GRID1: variants seen among roughly 807,000 people sequenced by gnomAD.
GRID1 encodes glutamate ionotropic receptor delta type subunit 1.
GRID1 carries 28 observed loss-of-function variants against 98.0 expected under a neutral mutation model. That is an observed-to-expected ratio of 0.29 (90% CI 0.21 to 0.39). The LOEUF (loss-of-function observed/expected upper bound fraction) is 0.39, where lower values mean the gene tolerates loss of function less well. Ranked by LOEUF, GRID1 falls within the 10% of genes least tolerant of loss-of-function variation. GRID1 has a pLI of 1.00. For synonymous variants in GRID1, 553 were observed against 538.5 expected, an observed-to-expected ratio of 1.03 and a Z score of -0.37; for missense variants, 1,111 against 1,340.5, an observed-to-expected ratio of 0.83 and a Z score of 2.67.
chr10:85,743,442 C>T (rs1841967119), intron 8 of GRID1, among the ~76,000 whole-genome samples: 1 of 152,074 alleles, frequency 6.6e-6, no homozygotes, highest in East Asian at 1.9e-4. Context: ...TTGGGGTTGT[C>T]ATGCAGTAAT....
intron 6 of GRID1, among the ~76,000 whole-genome samples, chr10:85,861,959 C>G (rs1843167311): frequency 6.6e-6 from 1 of 152,214 alleles, no homozygotes. Flanking sequence ...CTCAGATCCT[C>G]CCTTTCCACA....
At chr10:86,043,034 G>A (rs1157573412) in intron 4 of GRID1, among the ~76,000 whole-genome samples, 3 of 151,986 alleles carry the variant, frequency 2.0e-5, no homozygotes, top group South Asian at 2.1e-4. Flanking sequence ...GCAGCGAGCC[G>A]AGATCAATCA....
At chr10:86,150,441 AT>A (rs1845148993) in intron 3 of GRID1, among the ~76,000 whole-genome samples, 1 of 152,186 alleles carries the variant, frequency 6.6e-6, no homozygotes, top group African/African-American at 2.4e-5. Flanking sequence ...AGCTCTGGGT[AT>A]TTTTCTGGAT....
chr10:85,768,851 C>A (rs900553097), intron 8 of GRID1, among the ~76,000 whole-genome samples: 2 of 152,208 alleles, frequency 1.3e-5, no homozygotes, highest in Non-Finnish European at 2.9e-5. Context: ...GTCACAAACA[C>A]ACATATACAA....
rs1303321334 is a variant in GRID1 at position 85,863,304 on chromosome 10, C to T, written c.951+5706G>A. On this transcript the variant is annotated intron_variant, in intron 6 of 15. Transcript: ENST00000327946. Reference sequence around the variant, plus strand: ...CAGAGTGGAAGAGGAGAAGTCTGGTCTCTTCAGCTCCTTATATGGGCACGA... The same window carrying T: ...CAGAGTGGAAGAGGAGAAGTCTGGTTTCTTCAGCTCCTTATATGGGCACGA... 2.0e-5 allele frequency among the ~76,000 whole-genome samples: 3 copies of T among 152,164 alleles called. No homozygotes were observed. In the East Asian group the frequency reaches 5.8e-4, roughly 29 times the overall value.
chr10:86,058,129 G>A (rs1390227194), intron 4 of GRID1, among the ~76,000 whole-genome samples: 1 of 152,148 alleles, frequency 6.6e-6, no homozygotes, highest in Non-Finnish European at 1.5e-5. Context: ...AGGGAGAGAG[G>A]AAGGGAGGAA....
intron 2 of GRID1, among the ~76,000 whole-genome samples, chr10:86,363,475 G>A (rs1848630219): frequency 6.6e-6 from 1 of 152,222 alleles, no homozygotes; most frequent in Admixed American, 6.5e-5. Flanking sequence ...TTATGCCCGG[G>A]AGAAGGAGAC....
chr10:86,221,905 C>CTCG, intron 2 of GRID1, among the ~76,000 whole-genome samples: 1 of 152,134 alleles, frequency 6.6e-6, no homozygotes, highest in East Asian at 1.9e-4. Flanking sequence ...CCTTCTCCTC[C>CTCG]TCCTCCTCCT....
chr10:86,137,068 A>G (rs1844937994), intron 4 of GRID1, among the ~76,000 whole-genome samples: 1 of 152,212 alleles, frequency 6.6e-6, no homozygotes, highest in South Asian at 2.1e-4. Context: ...AAGCAAGCCC[A>G]GCGAATCCAC....
intron 6 of GRID1, among the ~76,000 whole-genome samples, chr10:85,862,778 ATTTTATTTAGGAAAATACC>A (rs1231543979): frequency 6.6e-6 from 1 of 152,228 alleles, no homozygotes; most frequent in Non-Finnish European, 1.5e-5. Context: ...CAGTGACTAT[ATTTTATTTAGGAAAATACC>A]TTGTGGCAGC....
At chr10:85,654,719 T>G (rs901612525) in intron 12 of GRID1, among the ~76,000 whole-genome samples, 7 of 152,168 alleles carry the variant, frequency 4.6e-5, no homozygotes, top group Non-Finnish European at 2.9e-5. Context: ...TAATTCAAAG[T>G]GGTCCGAGGC....
chr10:86,050,686 C>A (rs551513517), intron 4 of GRID1, among the ~76,000 whole-genome samples: 1 of 151,328 alleles, frequency 6.6e-6, no homozygotes, highest in African/African-American at 2.4e-5. Context: ...CAAAAAAGTG[C>A]AAAAAAAGGA....
intron 4 of GRID1, among the ~76,000 whole-genome samples, chr10:85,972,449 A>C (rs1345407110): frequency 6.8e-6 from 1 of 148,066 alleles, no homozygotes; most frequent in Non-Finnish European, 1.5e-5. Flanking sequence ...ACTATATTAA[A>C]TATATGTATA....
rs551879068 is a variant in GRID1 at position 86,006,448 on chromosome 10, G to A, written c.727-90209C>T. On this transcript the variant is annotated intron_variant, in intron 4 of 15. Transcript: ENST00000327946. ...ATTCTGGTCAACATGGTGAAACCCC[G>A]TCTCTACTAAAAGTACAAAATTAGC... Among the ~76,000 whole-genome samples, 47 of 152,200 alleles carry A rather than the reference G, an allele frequency of 3.1e-4. 1 individual carries two copies. Among genetic ancestry groups the A allele is most frequent in the East Asian group, 1.7e-3 (9 of 5,160 alleles).
chr10:86,120,242 T>C (rs1844645895), intron 4 of GRID1, among the ~76,000 whole-genome samples: 1 of 152,206 alleles, frequency 6.6e-6, no homozygotes, highest in African/African-American at 2.4e-5. Context: ...AAACTTCCTC[T>C]AGTGCCCATG....
intron 5 of GRID1, among the ~76,000 whole-genome samples, chr10:85,910,067 G>C (rs978162827): frequency 2.0e-5 from 3 of 152,198 alleles, no homozygotes; most frequent in Admixed American, 1.3e-4. Flanking sequence ...TACAGAGGCA[G>C]TAAGATATGC....
chr10:86,028,145 T>G (rs1000983318), intron 4 of GRID1, among the ~76,000 whole-genome samples: 2 of 152,176 alleles, frequency 1.3e-5, no homozygotes, highest in African/African-American at 4.8e-5. Context: ...AGCTGCCTCC[T>G]GCATCTCCAC....
chr10:85,821,155 A>T (rs886670693), intron 8 of GRID1, among the ~76,000 whole-genome samples: 1 of 150,762 alleles, frequency 6.6e-6, no homozygotes, highest in African/African-American at 2.4e-5. Flanking sequence ...AAGAAAGAGT[A>T]AAAAAAAAGC....
At chr10:85,697,379 C>T (rs1387661924) in intron 12 of GRID1, among the ~76,000 whole-genome samples, 3 of 152,156 alleles carry the variant, frequency 2.0e-5, no homozygotes, top group African/African-American at 7.2e-5. Flanking sequence ...CCTCTATCCT[C>T]TGTAATACTC....
Sources: allele counts gnomAD v4.1 joint callset (sites outside exome capture counted in the v4.1 genomes callset), GRCh38; gene constraint gnomAD v4.1.1; transcripts MANE v1.5; gene names NCBI Gene and HGNC (gene_info 2026-07-23, HGNC 2026-07-21).